Variants in DLX2 observed in about 807,000 individuals in gnomAD.
DLX2 encodes distal-less homeobox 2, also known as homeobox protein DLX-2.
In DLX2, 8 loss-of-function variants were observed where a neutral mutation model predicts 27.4. The ratio of observed to expected loss-of-function variants is 0.29; its 90% CI spans 0.17 to 0.53. DLX2 has a LOEUF of 0.53. Ranked by LOEUF, DLX2 falls within the 20% of genes least tolerant of loss-of-function variation. The pLI, the probability that DLX2 is intolerant of heterozygous loss-of-function variation, is 0.96. For synonymous variants in DLX2, 210 were observed against 200.8 expected (o/e 1.05, Z -0.39); for missense variants, 421 against 450.9 (o/e 0.93, Z 0.60).
Position 172,102,846 on chromosome 2 carries a change from G to T in DLX2, c.-308C>A, listed in dbSNP as rs182940056. On this transcript the variant is annotated 5_prime_UTR_variant, in exon 1 of 3. Coordinates refer to ENST00000234198, the MANE Select transcript of DLX2 (RefSeq NM_004405.4). Reference sequence around the variant, plus strand: ...GGGGCAGGGGTGGCTGGGCCGGGTCGGGGCTCTGGGAGGCGGGAGCAGGTG... The same window carrying T: ...GGGGCAGGGGTGGCTGGGCCGGGTCTGGGCTCTGGGAGGCGGGAGCAGGTG... The T allele has an allele frequency of 1.1e-3, 395 of 354,702 alleles. 3 individuals are homozygous for T. Among genetic ancestry groups the T allele is most frequent in the Admixed American group, 1.8e-3 (40 of 22,678 alleles). The allele number at this position is 354,702 out of a possible 1,614,324, so 22.0% of individuals were successfully genotyped here.
In DLX2 at chr2:172,100,795, C is replaced by A; in HGVS notation, c.735G>T (p.Val245=). 1 of 1,599,304 alleles carries A rather than the reference C, an allele frequency of 6.3e-7. No homozygotes were observed. The highest frequency in any genetic ancestry group is 8.5e-7 in the Non-Finnish European group (1 of 1,172,978). Residue 245 remains valine (V), a synonymous_variant, in exon 3 of 3, where the codon GTG becomes GTT. Transcript: ENST00000234198. This position sits in a 1 kb window ranked among gnomAD's most constrained non-coding sequence, Gnocchi z 4.5. ...VSAPASWDFG[V]PQRMAGGGGP... is the part of the protein sequence containing the mutation. ...CACCGCCGCCCGCCATCCGCTGCGG[C>A]ACACCAAAGTCCCAGGAGGCCGGCG...
chr2:172,102,180 G>A lies in DLX2; in HGVS notation c.359C>T (p.Ala120Val). ...LGYTAAYTSY[A>V]PYGTSSSPAN... ...TGGGGACGAACTGGTTCCATAGGGA[G>A]CGTAGGAGGTGTAGGCGGCGGTGTA... The change falls in exon 1 of 3, where the codon GCT (alanine) becomes GTT (valine). Residue 120 changes from alanine (A) to valine (V), a missense_variant. Transcript: ENST00000234198. 6.2e-7 allele frequency: 1 copy of A among 1,614,124 alleles called. No homozygotes were observed. Among genetic ancestry groups the A allele is most frequent in the Non-Finnish European group, 8.5e-7 (1 of 1,179,984 alleles).
chr2:172,100,558 C>G lies in DLX2; in HGVS notation c.972G>C (p.Ala324=), dbSNP rs1256028673. Residue 324 remains alanine (A), a synonymous_variant, in exon 3 of 3, where the codon GCG becomes GCC. Transcript: ENST00000234198. This position sits in a 1 kb window ranked among gnomAD's most constrained non-coding sequence, Gnocchi z 4.5. Reference sequence around the variant, plus strand: ...CTCCCTGGGGTTAGAAAATCGTCCCCGCGCTCACCGGGGCGCCCCCGCCGC... The same window carrying G: ...CTCCCTGGGGTTAGAAAATCGTCCCGGCGCTCACCGGGGCGCCCCCGCCGC... ...HHGGGGAPVS[A]GTIF 4 of 1,576,206 alleles carry G rather than the reference C, an allele frequency of 2.5e-6. No homozygotes were observed. In the South Asian group the frequency reaches 3.5e-5, roughly 14 times the overall value.
At chr2:172,101,777 A>G (rs1230194130) in intron 1 of DLX2, 131 bp from the exon 2 acceptor site, 4 of 1,052,006 alleles carry the variant, frequency 3.8e-6, no homozygotes, top group African/African-American at 1.6e-5. Context: ...CGCCACGGGC[A>G]GGCGCAACTT....
intron 2 of DLX2, 110 bp from the exon 3 acceptor site, chr2:172,101,054 A>C (rs1691145690): frequency 2.5e-6 from 3 of 1,221,618 alleles, no homozygotes. Context: ...AGCGGTGGGC[A>C]GCGAGCGCCC....
rs1691186355 is a variant in DLX2 at position 172,102,638 on chromosome 2, C to G, written c.-100G>C. On this transcript the variant is annotated 5_prime_UTR_variant, in exon 1 of 3. Coordinates refer to ENST00000234198, the MANE Select transcript of DLX2 (RefSeq NM_004405.4). ...TCCCCTCCAGCAGCCAATGTAATTACGGGGGTGGTGGTGGGGAAACAAGAA... is the reference window on the plus strand; with the variant it reads ...TCCCCTCCAGCAGCCAATGTAATTAGGGGGGTGGTGGTGGGGAAACAAGAA... 1.6e-6 allele frequency: 2 copies of G among 1,231,778 alleles called. No homozygotes were observed. The highest frequency in any genetic ancestry group is 3.1e-5 in the African/African-American group (2 of 64,242). 76.3% of individuals were successfully genotyped at this position (1,231,778 alleles called of 1,614,324 possible).
In DLX2 at chr2:172,102,761, G is replaced by A. The variant is rs529726510; in HGVS notation, c.-223C>T. 2 of 491,624 alleles carry A rather than the reference G, an allele frequency of 4.1e-6. No individual in the cohort carries two copies. The highest frequency in any genetic ancestry group is 6.9e-5 in the East Asian group (2 of 28,852). The allele number at this position is 491,624 out of a possible 1,614,324, so 30.5% of individuals were successfully genotyped here. A position where few individuals can be genotyped will look rare whatever the true frequency, so the allele number is the denominator to read the frequency against. ...TGGTCGCATCCTCTTTCGGCCTCTG[G>A]GCCCGCTCGGCTCCTTGCCCAGCGC... On this transcript the variant is annotated 5_prime_UTR_variant, in exon 1 of 3. Coordinates refer to ENST00000234198, the MANE Select transcript of DLX2 (RefSeq NM_004405.4).
rs1270585144 is a variant in DLX2, at chr2:172,102,543, G to T, written c.-5C>A. The T allele has an allele frequency of 6.6e-7, 1 of 1,523,780 alleles. No homozygotes were observed. The highest frequency in any genetic ancestry group is 8.8e-7 in the Non-Finnish European group (1 of 1,136,836). The allele number at this position is 1,523,780 out of a possible 1,614,324, so 94.4% of individuals were successfully genotyped here. Reference sequence around the variant, plus strand: ...ACTGTCAAAGACTCCAGTCATCCTGGCCCGAGACGGGAAAGAGCAGAGGTG... The same window carrying T: ...ACTGTCAAAGACTCCAGTCATCCTGTCCCGAGACGGGAAAGAGCAGAGGTG... On this transcript the variant is annotated 5_prime_UTR_variant, in exon 1 of 3. Transcript: ENST00000234198.
rs1470915292 is a variant in DLX2 at position 172,102,391 on chromosome 2, G to A, written c.148C>T (p.Pro50Ser). 1.9e-6 allele frequency: 3 copies of A among 1,554,980 alleles called. No homozygotes were observed. The highest frequency in any genetic ancestry group is 2.6e-6 in the Non-Finnish European group (3 of 1,149,440). ...ACCGGAAGGGTGGGCGACTCCTGGG[G>A]CTTGTGGAGGCTGCTGCTGCTGCTG... ...NSSSSSSLHK[P>S]QESPTLPVST... is the part of the protein sequence containing the mutation. The change falls in exon 1 of 3, where the codon CCC becomes TCC. Residue 50 changes from proline (P) to serine (S), a missense_variant. This residue lies in a region of DLX2 where 6 missense variants were observed against 23.2 expected (regional missense o/e 0.26). Transcript: ENST00000234198.
intron 2 of DLX2, 53 bp downstream of exon 2, chr2:172,101,409 C>T: frequency 6.6e-7 from 1 of 1,521,768 alleles, no homozygotes; most frequent in Non-Finnish European, 8.9e-7. Context: ...CCGCCTGCTT[C>T]CCAGCCATCT....
chr2:172,099,761 T>G lies in DLX2; in HGVS notation c.*782A>C, dbSNP rs1402226304. The G allele has an allele frequency of 6.6e-6, 1 of 152,606 alleles. No homozygotes were observed. Among genetic ancestry groups the G allele is most frequent in the African/African-American group, 2.4e-5 (1 of 41,458 alleles). 9.5% of individuals were successfully genotyped at this position (152,606 alleles called of 1,614,324 possible). Reference sequence around the variant, plus strand: ...TGCACAGACACCTTTATTTACAAACTCTGTGTCCAAGTCCAGGCTAATAAT... The same window carrying G: ...TGCACAGACACCTTTATTTACAAACGCTGTGTCCAAGTCCAGGCTAATAAT... On this transcript the variant is annotated 3_prime_UTR_variant, in exon 3 of 3. Transcript: ENST00000234198.
At chr2:172,102,099 T>C in intron 1 of DLX2, 40 bp downstream of exon 1, 1 of 1,589,482 alleles carries the variant, frequency 6.3e-7, no homozygotes, top group Non-Finnish European at 8.6e-7. Flanking sequence ...TCCCATTAAC[T>C]AGACCGACTC....
rs1691169931 is a variant in DLX2, at chr2:172,102,149, G to A, written c.390C>T (p.Asn130=). 1 of 1,613,650 alleles carries A rather than the reference G, an allele frequency of 6.2e-7. No individual in the cohort carries two copies. The part of the protein sequence containing the change: ...APYGTSSSPA[N]NEPEKEDLEP... Reference sequence around the variant, plus strand: ...CAGCGTTATGCATACCAGGCTCGTTGTTGGCTGGGGACGAACTGGTTCCAT... The same window carrying A: ...CAGCGTTATGCATACCAGGCTCGTTATTGGCTGGGGACGAACTGGTTCCAT... Residue 130 remains asparagine, a synonymous_variant, in exon 1 of 3, where the codon AAC becomes AAT. Coordinates refer to ENST00000234198, the MANE Select transcript of DLX2 (RefSeq NM_004405.4).
In DLX2 at chr2:172,100,826, A is replaced by T; in HGVS notation, c.704T>A (p.Val235Asp). The T allele has an allele frequency of 1.2e-6, 2 of 1,610,618 alleles. No individual in the cohort carries two copies. Among genetic ancestry groups the T allele is most frequent in the Non-Finnish European group, 1.7e-6 (2 of 1,179,064 alleles). ...SASPPCASPPVSAPASWDFGV... is the reference protein window; with the variant it reads ...SASPPCASPPDSAPASWDFGV... ...AAAGTCCCAGGAGGCCGGCGCTGAGACTGGCGGCGAAGCACAAGGTGGAGA... is the reference window on the plus strand; with the variant it reads ...AAAGTCCCAGGAGGCCGGCGCTGAGTCTGGCGGCGAAGCACAAGGTGGAGA... The change falls in exon 3 of 3, where the codon GTC becomes GAC. Residue 235 changes from valine (V) to aspartate (D), a missense_variant. Transcript: ENST00000234198. The surrounding 1 kb of genome is among the most constrained non-coding windows in gnomAD (Gnocchi z 4.5).
At chr2:172,102,020 C>T in intron 1 of DLX2, 119 bp downstream of exon 1, 2 of 1,479,190 alleles carry the variant, frequency 1.4e-6, no homozygotes, top group East Asian at 2.4e-5. Context: ...CACAAGCGGG[C>T]GGTGAGCAGG....
Position 172,100,441 on chromosome 2 carries a change from G to A in DLX2, c.*102C>T. The A allele has an allele frequency of 7.6e-7, 1 of 1,314,286 alleles. No individual in the cohort carries two copies. The highest frequency in any genetic ancestry group is 1.0e-6 in the Non-Finnish European group (1 of 980,346). 81.4% of individuals were successfully genotyped at this position (1,314,286 alleles called of 1,614,324 possible). A position where few individuals can be genotyped will look rare whatever the true frequency, so the allele number is the denominator to read the frequency against. ...ACTGCAGGTCGCAGCCTGCAGGAGA[G>A]GTGGGTGGCGGCAGCGGGCCGGGAG... On this transcript the variant is annotated 3_prime_UTR_variant, in exon 3 of 3. Coordinates refer to ENST00000234198, the MANE Select transcript of DLX2 (RefSeq NM_004405.4). This position sits in a 1 kb window ranked among gnomAD's most constrained non-coding sequence, Gnocchi z 4.5.
At position 172,101,646 on chromosome 2, in the gene DLX2, T is replaced by C. The variant is rs761631645; in HGVS notation, c.401A>G (p.Glu134Gly). The C allele has an allele frequency of 1.2e-6, 2 of 1,613,918 alleles. No homozygotes were observed. Among genetic ancestry groups the C allele is most frequent in the South Asian group, 2.2e-5 (2 of 91,070 alleles). ...AATTTCAGGCTCAAGGTCCTCCTTC[T>C]CTGCAACGATAAAGAATCGTAAGAA... is the stretch of plus-strand genomic sequence containing the variant. ...TSSSPANNEP[E>G]KEDLEPEIRI... The change falls in exon 2 of 3, where the codon GAG becomes GGG. Residue 134 changes from glutamate (E) to glycine (G), a missense_variant and splice_region_variant. By Grantham distance (98) the Glu-to-Gly change is moderately conservative. Coordinates refer to ENST00000234198, the MANE Select transcript of DLX2 (RefSeq NM_004405.4).
In DLX2 at chr2:172,099,623, T is replaced by G. The variant is rs1208035847; in HGVS notation, c.*920A>C. 3.3e-5 allele frequency: 5 copies of G among 151,986 alleles called. No individual in the cohort carries two copies. Among genetic ancestry groups the G allele is most frequent in the Non-Finnish European group, 7.4e-5 (5 of 67,860 alleles). 9.4% of individuals were successfully genotyped at this position (151,986 alleles called of 1,614,324 possible). A position where few individuals can be genotyped will look rare whatever the true frequency, so the allele number is the denominator to read the frequency against. On this transcript the variant is annotated 3_prime_UTR_variant, in exon 3 of 3. Coordinates refer to ENST00000234198, the MANE Select transcript of DLX2 (RefSeq NM_004405.4). Reference sequence around the variant, plus strand: ...ACTGAAATGTTTTTAAAGGAAAAAATAAAAAGGAGGGGTTGCTGAGGTCAC... The same window carrying G: ...ACTGAAATGTTTTTAAAGGAAAAAAGAAAAAGGAGGGGTTGCTGAGGTCAC...
intron 1 of DLX2, 110 bp downstream of exon 1, chr2:172,102,029 G>T: frequency 6.6e-7 from 1 of 1,504,720 alleles, no homozygotes; most frequent in East Asian, 2.3e-5. Flanking sequence ...GCGGTGAGCA[G>T]GCAGCGTGAA....
Sources: gnomAD v4.1 joint callset for allele counts on GRCh38, gnomAD v4.1.1 for gene constraint, gnomAD v4.1.1 regional missense constraint, Gnocchi (gnomAD v3.1) non-coding constraint, MANE v1.5 for transcripts, NCBI Gene and HGNC (gene_info 2026-07-23, HGNC 2026-07-21) for gene names.